ASIC2: variants seen among roughly 807,000 people sequenced by gnomAD.
ASIC2 encodes the protein acid sensing ion channel subunit 2, also known as acid-sensing ion channel 2.
ASIC2 carries 25 observed loss-of-function variants against 57.3 expected under a neutral mutation model. That is an observed-to-expected ratio of 0.44 (90% CI 0.32 to 0.61). ASIC2 has a LOEUF of 0.61. Ranked by LOEUF, ASIC2 falls within the 20% of genes least tolerant of loss-of-function variation. The pLI is 0.06. For missense variants in ASIC2, 641 were observed against 738.1 expected (o/e 0.87, Z 1.52); for synonymous variants, 319 against 307.5 (o/e 1.04, Z -0.39).
At chr17:33,864,398 C>A (rs1412424666) in intron 1 of ASIC2, among the ~76,000 whole-genome samples, 2 of 152,134 alleles carry the variant, frequency 1.3e-5, no homozygotes, top group Admixed American at 1.3e-4. Context: ...GTGGGAAATG[C>A]TAGTTAAGCC....
chr17:33,028,223 A>T lies in ASIC2; in HGVS notation c.1138+19T>A. 6.2e-7 allele frequency: 1 copy of T among 1,613,082 alleles called. No individual in the cohort carries two copies. Among genetic ancestry groups the T allele is most frequent in the Non-Finnish European group, 8.5e-7 (1 of 1,179,704 alleles). On this transcript the variant is annotated intron_variant, in intron 4 of 9. Transcript: ENST00000225823. Reference sequence around the variant, plus strand: ...AGGCAGATCCCAGGGCCCTGTGGCCACCCTGCCCTGGCACTGACCTGGCAT... The same window carrying T: ...AGGCAGATCCCAGGGCCCTGTGGCCTCCCTGCCCTGGCACTGACCTGGCAT...
At chr17:33,075,983 T>C (rs73982417) in intron 3 of ASIC2, among the ~76,000 whole-genome samples, 2,836 of 152,226 alleles carry the variant, frequency 0.019, 86 homozygotes, top group African/African-American at 0.065. Flanking sequence ...ATGCAACTAA[T>C]CAATCCAATT....
intron 1 of ASIC2, among the ~76,000 whole-genome samples, chr17:33,575,976 A>G (rs1450133444): frequency 1.3e-5 from 2 of 152,236 alleles, no homozygotes; most frequent in East Asian, 1.9e-4. Flanking sequence ...TTGGAAACAG[A>G]GTCCATCATT....
chr17:33,924,440 C>T (rs1310513656), intron 1 of ASIC2, among the ~76,000 whole-genome samples: 1 of 152,242 alleles, frequency 6.6e-6, no homozygotes, highest in East Asian at 1.9e-4. Flanking sequence ...ACTCTCAGCA[C>T]TACAAAGTGG....
intron 1 of ASIC2, among the ~76,000 whole-genome samples, chr17:33,971,114 A>G (rs1905217369): frequency 6.6e-6 from 1 of 152,182 alleles, no homozygotes; most frequent in South Asian, 2.1e-4. Flanking sequence ...AAGGGCACAC[A>G]GTGGCACGCA....
intron 1 of ASIC2, among the ~76,000 whole-genome samples, chr17:34,082,866 A>C (rs1909944519): frequency 6.6e-6 from 1 of 152,102 alleles, no homozygotes; most frequent in East Asian, 1.9e-4. Flanking sequence ...TTGACCCCAA[A>C]ATCTGTGCTC....
chr17:33,531,996 G>A (rs1003324713), intron 1 of ASIC2, among the ~76,000 whole-genome samples: 2 of 152,198 alleles, frequency 1.3e-5, no homozygotes, highest in East Asian at 1.9e-4. Flanking sequence ...AGGGTTGAGC[G>A]ATCATACTGG....
chr17:34,008,571 C>A (rs1032294779), intron 1 of ASIC2, among the ~76,000 whole-genome samples: 1 of 152,160 alleles, frequency 6.6e-6, no homozygotes, highest in African/African-American at 2.4e-5. Context: ...GTTTGTCTGT[C>A]TGAGAGAGAA....
intron 1 of ASIC2, among the ~76,000 whole-genome samples, chr17:33,160,440 C>T (rs1424104552): frequency 6.6e-6 from 1 of 152,172 alleles, no homozygotes; most frequent in East Asian, 1.9e-4. Flanking sequence ...ACCTTCAGGG[C>T]TAACCTCAGT....
At chr17:33,388,581 T>C (rs186189349) in intron 1 of ASIC2, among the ~76,000 whole-genome samples, 1 of 152,324 alleles carries the variant, frequency 6.6e-6, no homozygotes, top group Non-Finnish European at 1.5e-5. Flanking sequence ...GGATACAGAC[T>C]TTTATCAGCA....
intron 1 of ASIC2, among the ~76,000 whole-genome samples, chr17:34,085,953 T>C (rs1177223095): frequency 1.5e-3 from 233 of 151,784 alleles, no homozygotes; most frequent in African/African-American, 5.5e-3. Flanking sequence ...GTCTTGCTAG[T>C]GGTCTATCAA....
intron 1 of ASIC2, among the ~76,000 whole-genome samples, chr17:33,520,647 C>T (rs1245060675): frequency 6.6e-6 from 1 of 152,212 alleles, no homozygotes; most frequent in African/African-American, 2.4e-5. Context: ...TCTGGCTGAT[C>T]CCCTTACCCA....
chr17:33,498,845 A>G (rs1184203308), intron 1 of ASIC2, among the ~76,000 whole-genome samples: 3 of 152,194 alleles, frequency 2.0e-5, no homozygotes, highest in Non-Finnish European at 4.4e-5. Flanking sequence ...GTGCCGTTGG[A>G]CAGGGAATGA....
intron 1 of ASIC2, among the ~76,000 whole-genome samples, chr17:33,147,650 T>C (rs1305373531): frequency 1.3e-5 from 2 of 152,150 alleles, no homozygotes; most frequent in Non-Finnish European, 2.9e-5. Context: ...GTTTGTGCCA[T>C]AGGAGGATCT....
chr17:33,408,993 C>T (rs561345473), intron 1 of ASIC2, among the ~76,000 whole-genome samples: 9 of 152,202 alleles, frequency 5.9e-5, no homozygotes, highest in East Asian at 1.9e-4. Context: ...GTGGGTGGAT[C>T]GTTTGAGCTC....
chr17:33,511,219 C>T (rs2141949163), intron 1 of ASIC2, among the ~76,000 whole-genome samples: 2 of 149,874 alleles, frequency 1.3e-5, no homozygotes, highest in Middle Eastern at 6.8e-3. Context: ...AGTCACCATA[C>T]AAAAGCAGGA....
At chr17:33,558,803 GT>G (rs909476250) in intron 1 of ASIC2, among the ~76,000 whole-genome samples, 20 of 148,538 alleles carry the variant, frequency 1.3e-4, no homozygotes, top group Admixed American at 2.7e-4. Flanking sequence ...TACTGTTGTT[GT>G]TTTTTTTTTA....
At chr17:33,339,275 G>A (rs1054706181) in intron 1 of ASIC2, among the ~76,000 whole-genome samples, 1 of 152,130 alleles carries the variant, frequency 6.6e-6, no homozygotes, top group Non-Finnish European at 1.5e-5. Context: ...ATGCTCAATA[G>A]ACTGAAGTTT....
chr17:34,010,877 C>T (rs1906693100), intron 1 of ASIC2, among the ~76,000 whole-genome samples: 1 of 152,012 alleles, frequency 6.6e-6, no homozygotes, highest in Non-Finnish European at 1.5e-5. Flanking sequence ...GCAACCCCTG[C>T]TCAGAGTGTT....
Sources: allele counts gnomAD v4.1 joint callset (sites outside exome capture counted in the v4.1 genomes callset), GRCh38; gene constraint gnomAD v4.1.1; transcripts MANE v1.5; gene names NCBI Gene and HGNC (gene_info 2026-07-23, HGNC 2026-07-21).